MARK2: variants seen among roughly 807,000 people sequenced by gnomAD.
MARK2 encodes the protein microtubule affinity regulating kinase 2, also known as serine/threonine-protein kinase MARK2.
A neutral mutation model predicts 89.8 loss-of-function variants in MARK2; 16 were observed. The observed-to-expected ratio is 0.18, with a 90% CI of 0.12 to 0.27. The LOEUF (loss-of-function observed/expected upper bound fraction) is 0.27. Ranked by LOEUF, MARK2 falls within the 10% of genes least tolerant of loss-of-function variation. The pLI, the probability that MARK2 is intolerant of heterozygous loss-of-function variation, is 1.00. For synonymous variants in MARK2, 382 were observed against 399.5 expected (o/e 0.96, Z 0.52); for missense variants, 621 against 1,049.9 (o/e 0.59, Z 5.65).
chr11:63,853,036 A>C (rs950157672), intron 1 of MARK2, among the ~76,000 whole-genome samples: 2 of 152,226 alleles, frequency 1.3e-5, no homozygotes, highest in Non-Finnish European at 2.9e-5. Flanking sequence ...GACATTCCTG[A>C]ATGCCCACTG....
At chr11:63,845,375 T>C (rs778021966) in intron 1 of MARK2, among the ~76,000 whole-genome samples, 3 of 152,204 alleles carry the variant, frequency 2.0e-5, no homozygotes, top group Non-Finnish European at 4.4e-5. Context: ...CCTTCCTCCT[T>C]CAGTGGAAGT....
At chr11:63,847,280 A>G (rs1179178463) in intron 1 of MARK2, among the ~76,000 whole-genome samples, 1 of 152,194 alleles carries the variant, frequency 6.6e-6, no homozygotes, top group Non-Finnish European at 1.5e-5. Context: ...TTTACACCAA[A>G]TCATTAATTT....
chr11:63,864,931 CTG>C (rs1317138394), intron 1 of MARK2, among the ~76,000 whole-genome samples: 2 of 152,174 alleles, frequency 1.3e-5, no homozygotes, highest in Non-Finnish European at 2.9e-5. Context: ...GAGTCTGACT[CTG>C]TTGCCCAGGC....
At chr11:63,874,071 G>C (rs775742372) in intron 1 of MARK2, among the ~76,000 whole-genome samples, 1 of 152,194 alleles carries the variant, frequency 6.6e-6, no homozygotes, top group East Asian at 1.9e-4. Context: ...GGCCTGTAGT[G>C]CCTGAGGCCA....
At position 63,895,649 on chromosome 11, in the gene MARK2, C is replaced by T. The variant is rs1940315297; in HGVS notation, c.288+16C>T. The T allele has an allele frequency of 3.9e-6, 6 of 1,545,280 alleles. No homozygotes were observed. Among genetic ancestry groups the T allele is most frequent in the Non-Finnish European group, 4.4e-6 (5 of 1,131,498 alleles). On this transcript the variant is annotated intron_variant, in intron 3 of 18. Transcript: ENST00000402010. ...CCTCCAGAAAGTAAGCACATGGCAC[C>T]TCCTGTCCCTTTTTTTTTTTTTTTT... is the stretch of plus-strand genomic sequence containing the variant.
chr11:63,893,754 T>A (rs937302349), intron 1 of MARK2, among the ~76,000 whole-genome samples: 9 of 152,142 alleles, frequency 5.9e-5, no homozygotes, highest in Non-Finnish European at 4.4e-5. Context: ...AAGTGGAAAA[T>A]TCTACACGTA....
chr11:63,887,888 C>T (rs562875405), intron 1 of MARK2, among the ~76,000 whole-genome samples: 10 of 152,246 alleles, frequency 6.6e-5, no homozygotes, highest in African/African-American at 2.4e-4. Context: ...GGATTGGTGA[C>T]TGGAAACTTG....
chr11:63,888,871 G>C, intron 1 of MARK2: 1 of 1,330,974 alleles, frequency 7.5e-7, no homozygotes, highest in South Asian at 1.2e-5. Flanking sequence ...GGCTCTTCCC[G>C]GCCTCTGTAC....
chr11:63,881,564 G>A (rs935086165), intron 1 of MARK2, among the ~76,000 whole-genome samples: 2 of 152,172 alleles, frequency 1.3e-5, no homozygotes, highest in East Asian at 1.9e-4. Flanking sequence ...TGTGGGCACT[G>A]TTGGGCACTG....
chr11:63,878,759 G>A (rs566680874), intron 1 of MARK2, among the ~76,000 whole-genome samples: 1 of 152,186 alleles, frequency 6.6e-6, no homozygotes, highest in South Asian at 2.1e-4. Flanking sequence ...GCAAAGATCT[G>A]TTCCCGGGTC....
intron 1 of MARK2, among the ~76,000 whole-genome samples, chr11:63,842,244 G>GTTTTTTTTTTT: frequency 6.9e-6 from 1 of 145,338 alleles, no homozygotes; most frequent in Non-Finnish European, 1.5e-5. Flanking sequence ...TTGAGATAGA[G>GTTTTTTTTTTT]TCTCGTTCTG....
At chr11:63,848,896 A>G (rs566060976) in intron 1 of MARK2, among the ~76,000 whole-genome samples, 50 of 151,282 alleles carry the variant, frequency 3.3e-4, no homozygotes, top group African/African-American at 1.0e-3. Context: ...TTTAGTAGAG[A>G]TGGGATTTCA....
At position 63,902,797 on chromosome 11, in the gene MARK2, C is replaced by A; in HGVS notation, c.1416+15C>A. 6.3e-7 allele frequency: 1 copy of A among 1,599,474 alleles called. No homozygotes were observed. Among genetic ancestry groups the A allele is most frequent in the Non-Finnish European group, 8.6e-7 (1 of 1,169,150 alleles). ...CCCCCTCCACGGTGAGCCGCACCCC[C>A]CGCTCTCTCCTTCCTTCCTGCGGTG... On this transcript the variant is annotated intron_variant, in intron 13 of 18. Transcript: ENST00000402010. The surrounding 1 kb of genome is among the most constrained non-coding windows in gnomAD (Gnocchi z 4.2).
intron 1 of MARK2, among the ~76,000 whole-genome samples, chr11:63,892,444 G>T (rs1032105266): frequency 3.3e-5 from 5 of 152,168 alleles, no homozygotes; most frequent in Non-Finnish European, 7.3e-5. Flanking sequence ...ATGCTGGACA[G>T]TTCCTTGGGT....
intron 1 of MARK2, among the ~76,000 whole-genome samples, chr11:63,876,303 G>T (rs904356769): frequency 1.3e-5 from 2 of 152,166 alleles, no homozygotes; most frequent in African/African-American, 2.4e-5. Context: ...CAGAGAATTC[G>T]TGATGAGCTT....
intron 1 of MARK2, chr11:63,888,481 T>G: frequency 1.0e-6 from 1 of 979,362 alleles, no homozygotes; most frequent in Non-Finnish European, 1.2e-6. Flanking sequence ...GCTGCCCACT[T>G]CCGGGGAGGG....
intron 1 of MARK2, among the ~76,000 whole-genome samples, chr11:63,845,322 A>G (rs1378768928): frequency 1.3e-5 from 2 of 152,116 alleles, no homozygotes; most frequent in Admixed American, 1.3e-4. Flanking sequence ...CAAAGCAAAA[A>G]TTGAGAAGGA....
At chr11:63,885,564 G>A (rs2135299704) in intron 1 of MARK2, among the ~76,000 whole-genome samples, 1 of 152,012 alleles carries the variant, frequency 6.6e-6, no homozygotes, top group Middle Eastern at 3.4e-3. Flanking sequence ...GCTGGGCGTA[G>A]TGGCCCATGT....
intron 1 of MARK2, among the ~76,000 whole-genome samples, chr11:63,880,593 A>G (rs1448378810): frequency 6.6e-6 from 1 of 152,234 alleles, no homozygotes; most frequent in Non-Finnish European, 1.5e-5. Context: ...TAGAGAAACT[A>G]AATGTAGAGA....
Sources: gnomAD v4.1 joint callset for allele counts (sites outside exome capture counted in the v4.1 genomes callset) on GRCh38, gnomAD v4.1.1 for gene constraint, Gnocchi (gnomAD v3.1) non-coding constraint, MANE v1.5 for transcripts, NCBI Gene and HGNC (gene_info 2026-07-23, HGNC 2026-07-21) for gene names.